The following RB1 variants were observed in gnomAD, a reference collection of about 807,000 sequenced individuals.
The protein encoded by RB1 is RB transcriptional corepressor 1, also known as retinoblastoma-associated protein.
RB1 carries 18 observed loss-of-function variants against 135.4 expected under a neutral mutation model. That is an observed-to-expected ratio of 0.13 (90% CI 0.09 to 0.20). The LOEUF is 0.20. Ranked by LOEUF, RB1 falls within the 10% of genes least tolerant of loss-of-function variation. RB1 has a pLI of 1.00. For missense variants in RB1, 868 were observed against 1,110.0 expected (o/e 0.78, Z 3.10); for synonymous variants, 365 against 373.2 (o/e 0.98, Z 0.25).
chr13:48,397,067 C>T (rs1593466281), intron 17 of RB1, among the ~76,000 whole-genome samples: 1 of 151,958 alleles, frequency 6.6e-6, no homozygotes, highest in Non-Finnish European at 1.5e-5. Context: ...TTAGTTCAAC[C>T]ATTGTGGAAG....
intron 2 of RB1, among the ~76,000 whole-genome samples, chr13:48,333,440 A>G (rs1268878609): frequency 1.3e-5 from 2 of 152,180 alleles, no homozygotes; most frequent in East Asian, 3.8e-4. Flanking sequence ...TCTTTCCTAT[A>G]TGGTTATACC....
chr13:48,381,122 T>A, intron 16 of RB1, 125 bp from the exon 17 acceptor site: 1 of 1,319,066 alleles, frequency 7.6e-7, no homozygotes, highest in Non-Finnish European at 1.0e-6. Flanking sequence ...AAATAAAAAA[T>A]TCTGCTCTAA....
intron 6 of RB1, among the ~76,000 whole-genome samples, chr13:48,354,535 A>G (rs1403785449): frequency 6.6e-6 from 1 of 152,178 alleles, no homozygotes; most frequent in Non-Finnish European, 1.5e-5. Flanking sequence ...ATTCAATGCA[A>G]TTCCTATCAA....
intron 19 of RB1, 144 bp from the exon 20 acceptor site, chr13:48,459,544 G>A (rs542976321): frequency 3.7e-6 from 3 of 817,118 alleles, no homozygotes; most frequent in African/African-American, 1.7e-5. Context: ...TTTCTCTGGG[G>A]GAAAGAAAAG....
chr13:48,417,916 G>A (rs901660561), intron 17 of RB1, among the ~76,000 whole-genome samples: 25 of 152,308 alleles, frequency 1.6e-4, no homozygotes, highest in African/African-American at 5.1e-4. Flanking sequence ...CCCTGTACCT[G>A]AAAGTGACAG....
chr13:48,455,245 T>C (rs543537936), intron 18 of RB1, among the ~76,000 whole-genome samples: 1 of 152,332 alleles, frequency 6.6e-6, no homozygotes, highest in Admixed American at 6.5e-5. Flanking sequence ...GTGGAGCTAT[T>C]CTTTGAGATG....
intron 17 of RB1, among the ~76,000 whole-genome samples, chr13:48,432,587 C>T (rs927449718): frequency 5.3e-5 from 8 of 152,074 alleles, no homozygotes; most frequent in African/African-American, 1.9e-4. Flanking sequence ...ATGTCTTTTA[C>T]TCTTTAATGC....
chr13:48,381,103 T>C (rs1411779645), intron 16 of RB1, 144 bp from the exon 17 acceptor site: 2 of 1,150,212 alleles, frequency 1.7e-6, no homozygotes, highest in East Asian at 5.3e-5. Context: ...TATGAGTCCG[T>C]AGACTCCAAA....
At chr13:48,360,980 G>A (rs1952633791) in intron 7 of RB1, among the ~76,000 whole-genome samples, 1 of 152,104 alleles carries the variant, frequency 6.6e-6, no homozygotes, top group Admixed American at 6.6e-5. Flanking sequence ...CAAGAATTTA[G>A]TGGAAAAATT....
rs530961288 is a variant in RB1 at position 48,303,942 on chromosome 13, C to G, written c.30C>G (p.Ala10=). Residue 10 remains alanine (A), a synonymous_variant, in exon 1 of 27, where the codon GCC becomes GCG. Transcript: ENST00000267163. MPPKTPRKT[A]ATAAAAAAEP... ...CGCCCAAAACCCCCCGAAAAACGGCCGCCACCGCCGCCGCTGCCGCCGCGG... is the reference window on the plus strand; with the variant it reads ...CGCCCAAAACCCCCCGAAAAACGGCGGCCACCGCCGCCGCTGCCGCCGCGG... 22 of 1,509,364 alleles carry G rather than the reference C, an allele frequency of 1.5e-5. No homozygotes were observed. Among genetic ancestry groups the G allele is most frequent in the Admixed American group, 8.2e-5 (4 of 48,534 alleles). 93.5% of individuals were successfully genotyped at this position (1,509,364 alleles called of 1,614,324 possible).
chr13:48,317,674 C>CT, intron 2 of RB1: 1 of 537,358 alleles, frequency 1.9e-6, no homozygotes, highest in Non-Finnish European at 2.8e-6. Context: ...ACTGGTGCTC[C>CT]TGGGCGGTGC....
In RB1 at chr13:48,381,183, C is replaced by T. The variant is rs565641211; in HGVS notation, c.1499-64C>T. On this transcript the variant is annotated intron_variant, in intron 16 of 26. Coordinates refer to ENST00000267163, the MANE Select transcript of RB1 (RefSeq NM_000321.3). ...GTTTTCTTTGTCTGATAATAACTTC[C>T]AAAAAAATACCTAGCTCAAGGGTTA... The T allele has an allele frequency of 3.3e-6, 5 of 1,514,022 alleles. No homozygotes were observed. The East Asian group carries it at 1.2e-4, about 37-fold the overall frequency. The allele number at this position is 1,514,022 out of a possible 1,614,324, so 93.8% of individuals were successfully genotyped here.
intron 17 of RB1, among the ~76,000 whole-genome samples, chr13:48,395,571 C>G (rs1415891577): frequency 1.3e-5 from 2 of 151,352 alleles, no homozygotes; most frequent in Admixed American, 6.6e-5. Context: ...AACACGAGGA[C>G]TTTGTGAAGC....
Position 48,396,089 on chromosome 13 carries a change from T to G in RB1, c.1695+14646T>G, listed in dbSNP as rs1948645816. 2.0e-5 allele frequency among the ~76,000 whole-genome samples: 3 copies of G among 152,184 alleles called. No individual in the cohort carries two copies. In the South Asian group the frequency reaches 6.2e-4, roughly 32 times the overall value. On this transcript the variant is annotated intron_variant, in intron 17 of 26. Coordinates refer to ENST00000267163, the MANE Select transcript of RB1 (RefSeq NM_000321.3). ...ATACTGCCCACAGTAATTTATAGAT[T>G]CAATGCTATCCCCATCAAGCTACCT...
intron 17 of RB1, among the ~76,000 whole-genome samples, chr13:48,398,012 A>G (rs1232781545): frequency 6.6e-6 from 1 of 152,220 alleles, no homozygotes; most frequent in African/African-American, 2.4e-5. Context: ...CAGGAAGGCA[A>G]GTGAATTGTA....
At chr13:48,425,651 C>T (rs887214577) in intron 17 of RB1, among the ~76,000 whole-genome samples, 1 of 151,890 alleles carries the variant, frequency 6.6e-6, no homozygotes, top group South Asian at 2.1e-4. Context: ...CCAGGAATTC[C>T]AGTTTAGCCT....
intron 21 of RB1, 55 bp from the exon 22 acceptor site, chr13:48,464,943 A>C (rs1949427779): frequency 6.7e-7 from 1 of 1,487,342 alleles, no homozygotes; most frequent in Non-Finnish European, 8.9e-7. Flanking sequence ...AAATTCATTT[A>C]ACAAGTAAAT....
intron 2 of RB1, among the ~76,000 whole-genome samples, chr13:48,307,658 C>A (rs904354269): frequency 3.4e-5 from 5 of 144,962 alleles, no homozygotes; most frequent in Non-Finnish European, 7.5e-5. Context: ...AGTTCGAGAC[C>A]AGCCTGGGCA....
At chr13:48,315,272 T>C (rs1002456926) in intron 2 of RB1, among the ~76,000 whole-genome samples, 8 of 152,248 alleles carry the variant, frequency 5.3e-5, no homozygotes, top group African/African-American at 1.7e-4. Flanking sequence ...GCTGTATTCC[T>C]AGATATTTTA....
Sources: allele counts gnomAD v4.1 joint callset (sites outside exome capture counted in the v4.1 genomes callset), GRCh38; gene constraint gnomAD v4.1.1; transcripts MANE v1.5; gene names NCBI Gene and HGNC (gene_info 2026-07-23, HGNC 2026-07-21).